The following AKAP6 variants were observed in gnomAD, a reference collection of about 807,000 sequenced individuals.
AKAP6 encodes the protein A-kinase anchor protein 6.
A neutral mutation model predicts 188.5 loss-of-function variants in AKAP6; 58 were observed. The ratio of observed to expected loss-of-function variants is 0.31; its 90% confidence interval spans 0.25 to 0.38. The LOEUF (loss-of-function observed/expected upper bound fraction) is 0.38. Among genes scored for constraint, AKAP6 ranks in the 10% least tolerant of loss-of-function variants. AKAP6 has a pLI of 1.00. For synonymous variants in AKAP6, 989 were observed against 998.6 expected (o/e 0.99, Z 0.18); for missense variants, 2,710 against 2,740.0 (o/e 0.99, Z 0.24).
chr14:32,597,809 AAT>A (rs1885767205), intron 5 of AKAP6, among the ~76,000 whole-genome samples: 1 of 152,158 alleles, frequency 6.6e-6, no homozygotes, highest in African/African-American at 2.4e-5. Context: ...AATAACTTAT[AAT>A]TCTTATCTTT....
intron 7 of AKAP6, among the ~76,000 whole-genome samples, chr14:32,627,816 T>G (rs752172302): frequency 2.0e-5 from 3 of 152,120 alleles, no homozygotes; most frequent in Admixed American, 6.6e-5. Flanking sequence ...ACATTTAACT[T>G]CCTTTTTAAG....
chr14:32,670,490 A>G (rs1889136446), intron 7 of AKAP6, among the ~76,000 whole-genome samples: 3 of 152,206 alleles, frequency 2.0e-5, no homozygotes, highest in Admixed American at 6.5e-5. Context: ...TAAGGAAGCA[A>G]AGGAAAAGAC....
intron 2 of AKAP6, among the ~76,000 whole-genome samples, chr14:32,522,594 C>A (rs1158689022): frequency 6.6e-6 from 1 of 152,196 alleles, no homozygotes; most frequent in African/African-American, 2.4e-5. Flanking sequence ...AAAAAATGCT[C>A]ATCATCACTG....
At chr14:32,574,839 C>T (rs1242856504) in intron 4 of AKAP6, among the ~76,000 whole-genome samples, 1 of 152,170 alleles carries the variant, frequency 6.6e-6, no homozygotes, top group African/African-American at 2.4e-5. Flanking sequence ...AGATGACAGA[C>T]AATACTTCTG....
chr14:32,384,863 G>A (rs1888478322), intron 1 of AKAP6, among the ~76,000 whole-genome samples: 1 of 152,042 alleles, frequency 6.6e-6, no homozygotes, highest in African/African-American at 2.4e-5. Flanking sequence ...ATTAAAATGG[G>A]GTCTGTTAGG....
At chr14:32,464,777 A>G (rs1417112997) in intron 2 of AKAP6, among the ~76,000 whole-genome samples, 1 of 152,212 alleles carries the variant, frequency 6.6e-6, no homozygotes, top group Non-Finnish European at 1.5e-5. Context: ...AATAAAGGGT[A>G]TTCAATTAGG....
chr14:32,745,180 G>A (rs1295905078), intron 11 of AKAP6, among the ~76,000 whole-genome samples: 2 of 152,184 alleles, frequency 1.3e-5, no homozygotes, highest in South Asian at 2.1e-4. Flanking sequence ...TCGGTATCTG[G>A]GCATTGAAGA....
At chr14:32,608,805 C>T (rs1886234647) in intron 7 of AKAP6, among the ~76,000 whole-genome samples, 1 of 152,142 alleles carries the variant, frequency 6.6e-6, no homozygotes, top group South Asian at 2.1e-4. Flanking sequence ...TTTTGTACCT[C>T]AGTCTGATCA....
At chr14:32,475,495 T>A (rs1594653671) in intron 2 of AKAP6, among the ~76,000 whole-genome samples, 1 of 152,280 alleles carries the variant, frequency 6.6e-6, no homozygotes. Context: ...TGATGGCAGG[T>A]GCATATTGAC....
intron 2 of AKAP6, among the ~76,000 whole-genome samples, chr14:32,443,509 CT>C (rs1164181296): frequency 1.3e-5 from 2 of 152,168 alleles, no homozygotes; most frequent in Non-Finnish European, 2.9e-5. Context: ...AGACATCAGT[CT>C]TTTAAAGACT....
At chr14:32,664,139 C>G (rs1053193106) in intron 7 of AKAP6, among the ~76,000 whole-genome samples, 2 of 151,722 alleles carry the variant, frequency 1.3e-5, no homozygotes, top group African/African-American at 4.9e-5. Flanking sequence ...TGGATAGGAA[C>G]CATGACATTG....
chr14:32,695,927 T>C (rs990339479), intron 8 of AKAP6, 63 bp from the exon 9 acceptor site: 3 of 1,518,930 alleles, frequency 2.0e-6, no homozygotes, highest in Non-Finnish European at 2.6e-6. Context: ...TATATTATTC[T>C]AATATAAGAT....
At chr14:32,736,122 A>G (rs2031411069) in intron 11 of AKAP6, among the ~76,000 whole-genome samples, 1 of 152,150 alleles carries the variant, frequency 6.6e-6, no homozygotes, top group Non-Finnish European at 1.5e-5. Context: ...TGTTTTTTGC[A>G]ATGCTTGTTG....
chr14:32,724,839 G>A (rs2030761655), intron 9 of AKAP6, among the ~76,000 whole-genome samples: 1 of 151,562 alleles, frequency 6.6e-6, no homozygotes, highest in Non-Finnish European at 1.5e-5. Context: ...TATTGACACT[G>A]GAGGAAAAAA....
chr14:32,594,754 C>A (rs1299504381), intron 5 of AKAP6, among the ~76,000 whole-genome samples: 1 of 152,112 alleles, frequency 6.6e-6, no homozygotes, highest in Non-Finnish European at 1.5e-5. Flanking sequence ...TTCCTCCTGC[C>A]CTTGTAAAAA....
At chr14:32,749,605 G>A (rs554987794) in intron 11 of AKAP6, among the ~76,000 whole-genome samples, 48 of 152,264 alleles carry the variant, frequency 3.2e-4, no homozygotes, top group Admixed American at 9.2e-4. Flanking sequence ...TACTGATAAC[G>A]TGAATATATT....
At chr14:32,485,767 C>T (rs922721476) in intron 2 of AKAP6, among the ~76,000 whole-genome samples, 2 of 152,108 alleles carry the variant, frequency 1.3e-5, no homozygotes, top group African/African-American at 4.8e-5. Context: ...TGTAGGTTGC[C>T]TGTTCACTCT....
chr14:32,584,337 G>T (rs1222924257), intron 5 of AKAP6, among the ~76,000 whole-genome samples: 1 of 152,186 alleles, frequency 6.6e-6, no homozygotes, highest in Admixed American at 6.5e-5. Context: ...CACGCCCCAG[G>T]TGGGACACAG....
intron 11 of AKAP6, among the ~76,000 whole-genome samples, chr14:32,758,115 G>A (rs1031037814): frequency 5.3e-5 from 8 of 152,114 alleles, no homozygotes; most frequent in Non-Finnish European, 8.8e-5. Context: ...TATAGACAAT[G>A]CCTTGGAGTC....
Sources: allele counts gnomAD v4.1 joint callset (sites outside exome capture counted in the v4.1 genomes callset), GRCh38; gene constraint gnomAD v4.1.1; transcripts MANE v1.5; gene names NCBI Gene and HGNC (gene_info 2026-07-23, HGNC 2026-07-21).